The following SLC14A2 variants were observed in gnomAD, a reference collection of about 807,000 sequenced individuals.
SLC14A2 encodes the protein solute carrier family 14 member 2.
In SLC14A2, 91 loss-of-function variants were observed where a neutral mutation model predicts 104.6. The observed-to-expected ratio is 0.87, with a 90% confidence interval of 0.73 to 1.04. The LOEUF (loss-of-function observed/expected upper bound fraction) is 1.04. SLC14A2 is among the 50% of genes least tolerant of loss of function. The pLI is 0.00. For missense variants in SLC14A2, 1,189 were observed against 1,156.0 expected, an observed-to-expected ratio of 1.03 and a Z score of -0.41; for synonymous variants, 476 against 466.4, an observed-to-expected ratio of 1.02 and a Z score of -0.27.
chr18:45,503,555 C>T (rs2144767903), intron 2 of SLC14A2, among the ~76,000 whole-genome samples: 1 of 152,300 alleles, frequency 6.6e-6, no homozygotes, highest in African/African-American at 2.4e-5. Context: ...CTCCATCAAG[C>T]TTTAGTCTCT....
chr18:45,311,162 A>G (rs1353622476), intron 1 of SLC14A2, among the ~76,000 whole-genome samples: 1 of 152,250 alleles, frequency 6.6e-6, no homozygotes, highest in Non-Finnish European at 1.5e-5. Context: ...AAAGAAATGA[A>G]CATGATGAAA....
At chr18:45,605,984 C>T (rs1424417429) in intron 2 of SLC14A2, among the ~76,000 whole-genome samples, 1 of 152,162 alleles carries the variant, frequency 6.6e-6, no homozygotes, top group Non-Finnish European at 1.5e-5. Context: ...TGAAATAACA[C>T]ATTTCCCACT....
chr18:45,457,119 T>C (rs1054356492), intron 1 of SLC14A2, among the ~76,000 whole-genome samples: 2 of 152,204 alleles, frequency 1.3e-5, no homozygotes, highest in Admixed American at 1.3e-4. Flanking sequence ...TAGTAAGTTA[T>C]AACAAAGCAC....
At chr18:45,270,632 A>T (rs1039938203) in intron 1 of SLC14A2, among the ~76,000 whole-genome samples, 1 of 152,158 alleles carries the variant, frequency 6.6e-6, no homozygotes, top group Non-Finnish European at 1.5e-5. Flanking sequence ...TGCAAAAAGT[A>T]TGTGCTCATT....
chr18:45,442,575 C>T (rs529431284), intron 1 of SLC14A2, among the ~76,000 whole-genome samples: 2 of 151,980 alleles, frequency 1.3e-5, no homozygotes, highest in South Asian at 2.1e-4. Context: ...AGGAGCCCAC[C>T]CTACTCCATT....
At chr18:45,507,574 G>A (rs994914521) in intron 2 of SLC14A2, among the ~76,000 whole-genome samples, 2 of 152,170 alleles carry the variant, frequency 1.3e-5, no homozygotes, top group Admixed American at 6.5e-5. Context: ...AATCTGTGGG[G>A]ACACAGACTC....
the SLC14A2 span, among the ~76,000 whole-genome samples, chr18:45,179,082 A>G: frequency 6.6e-6 from 1 of 152,132 alleles, no homozygotes. Context: ...GACAAAATGA[A>G]GTCTTCCCAA....
At chr18:45,372,991 C>T (rs1041691693) in intron 1 of SLC14A2, among the ~76,000 whole-genome samples, 7 of 152,120 alleles carry the variant, frequency 4.6e-5, no homozygotes, top group African/African-American at 1.2e-4. Context: ...AGTCACATTT[C>T]GAATGCTCAA....
chr18:45,391,496 G>A (rs1200661338), intron 1 of SLC14A2, among the ~76,000 whole-genome samples: 3 of 152,222 alleles, frequency 2.0e-5, no homozygotes, highest in East Asian at 1.9e-4. Context: ...CTGAGGAATC[G>A]CCCCACTGAC....
chr18:45,247,449 T>C (rs2084377872), intron 1 of SLC14A2, among the ~76,000 whole-genome samples: 1 of 152,250 alleles, frequency 6.6e-6, no homozygotes. Flanking sequence ...CCTTGGGTTC[T>C]GGCCTCAGTT....
At chr18:45,679,091 C>T (rs2046274712) in intron 19 of SLC14A2, 67 bp downstream of exon 19, 2 of 1,473,020 alleles carry the variant, frequency 1.4e-6, no homozygotes, top group Non-Finnish European at 1.9e-6. Flanking sequence ...CTTCCCCAAA[C>T]CTGCTGAAAA....
In SLC14A2 at chr18:45,569,437, G is replaced by A. The variant is rs547628198; in HGVS notation, c.-34-55194G>A. 3.3e-5 allele frequency among the ~76,000 whole-genome samples: 5 copies of A among 152,220 alleles called. No homozygotes were observed. The South Asian group carries it at 8.3e-4, about 25-fold the overall frequency. On this transcript the variant is annotated intron_variant, in intron 2 of 20. Coordinates refer to the SLC14A2 transcript ENST00000586448. ...TTCTTACTCCCTTAGAATCTACTAT[G>A]AGCTTCCTCCTTACAAAATAAAATT...
chr18:45,200,457 T>C, the SLC14A2 span, among the ~76,000 whole-genome samples: 1 of 152,220 alleles, frequency 6.6e-6, no homozygotes, highest in Non-Finnish European at 1.5e-5. Context: ...TAAAGTTTAG[T>C]CTCTTATGAG....
intron 2 of SLC14A2, among the ~76,000 whole-genome samples, chr18:45,519,693 G>A (rs149442124): frequency 2.0e-5 from 3 of 152,270 alleles, no homozygotes; most frequent in African/African-American, 4.8e-5. Context: ...AATCAAAAAG[G>A]GGCTAAGCCA....
intron 1 of SLC14A2, among the ~76,000 whole-genome samples, chr18:45,410,614 C>T (rs111460049): frequency 1.3e-5 from 2 of 152,104 alleles, no homozygotes; most frequent in South Asian, 4.1e-4. Flanking sequence ...GTGTATTTCT[C>T]TATATTATAT....
At chr18:45,327,247 AT>A (rs10712056) in intron 1 of SLC14A2, among the ~76,000 whole-genome samples, 48,077 of 151,798 alleles carry the variant, frequency 0.32, 7,958 homozygotes, top group African/African-American at 0.42. Context: ...TAATTAGTAT[AT>A]TTTTTTTACT....
chr18:45,220,502 T>G (rs1007406239), intron 1 of SLC14A2, among the ~76,000 whole-genome samples: 3 of 152,218 alleles, frequency 2.0e-5, no homozygotes, highest in Admixed American at 2.0e-4. Context: ...GGTTTTAAAC[T>G]TGCCTGTCTT....
At chr18:45,653,855 C>A (rs1599127621) in intron 10 of SLC14A2, among the ~76,000 whole-genome samples, 2 of 152,186 alleles carry the variant, frequency 1.3e-5, no homozygotes, top group East Asian at 3.8e-4. Flanking sequence ...CTGTGCCCTG[C>A]CCCTATGGGG....
intron 2 of SLC14A2, among the ~76,000 whole-genome samples, chr18:45,533,711 T>A (rs1226042507): frequency 1.3e-5 from 2 of 152,216 alleles, no homozygotes; most frequent in Non-Finnish European, 2.9e-5. Context: ...AGTTCTGCTC[T>A]GATCTTAGTT....
Sources: allele counts gnomAD v4.1 joint callset (sites outside exome capture counted in the v4.1 genomes callset), GRCh38; gene constraint gnomAD v4.1.1; transcripts MANE v1.5; gene names NCBI Gene and HGNC (gene_info 2026-07-23, HGNC 2026-07-21).